Variants in RFX2 observed in about 807,000 individuals in gnomAD.
RFX2 encodes the protein regulatory factor X2.
Under a neutral mutation model 87.8 loss-of-function variants are expected in RFX2, and 20 were observed. The observed-to-expected ratio is 0.23, with a 90% CI of 0.16 to 0.33. RFX2 has a LOEUF of 0.33. RFX2 is among the 10% of genes least tolerant of loss of function. The probability of loss-of-function intolerance (pLI) is 1.00; values close to 1 mark genes in which losing one functional copy is unlikely to be tolerated. For synonymous variants in RFX2, 397 were observed against 431.3 expected (o/e 0.92, Z 0.98); for missense variants, 767 against 1,012.3 (o/e 0.76, Z 3.29).
intron 1 of RFX2, among the ~76,000 whole-genome samples, chr19:6,055,520 C>T (rs892016321): frequency 6.6e-6 from 1 of 152,178 alleles, no homozygotes; most frequent in African/African-American, 2.4e-5. Context: ...ACCTCCCAGG[C>T]TCAAGCGATT....
rs891657409 is a variant in RFX2, at chr19:5,995,611, C to G, written c.2046G>C (p.Leu682=). 1.3e-5 allele frequency: 20 copies of G among 1,552,340 alleles called. No individual in the cohort carries two copies. Among genetic ancestry groups the G allele is most frequent in the Non-Finnish European group, 1.7e-5 (20 of 1,147,472 alleles). ...FNDLASLSLT[L]LDKDDMGDEQ... is the part of the protein sequence containing the mutation. ...CGCAGACGCACCTACCTTTGTCGAGCAGCGTCAGCGACAGAGAGGCGAGAT... is the reference window on the plus strand; with the variant it reads ...CGCAGACGCACCTACCTTTGTCGAGGAGCGTCAGCGACAGAGAGGCGAGAT... The change falls in exon 17 of 18, where the codon CTG becomes CTC. Residue 682 remains leucine, a synonymous_variant. Coordinates refer to ENST00000303657, the MANE Select transcript of RFX2 (RefSeq NM_000635.4).
At position 6,016,057 on chromosome 19, in the gene RFX2, G is replaced by T; in HGVS notation, c.779+33C>A. The T allele has an allele frequency of 6.5e-7, 1 of 1,549,798 alleles. No individual in the cohort carries two copies. Among genetic ancestry groups the T allele is most frequent in the South Asian group, 1.2e-5 (1 of 82,926 alleles). On this transcript the variant is annotated intron_variant, in intron 7 of 17. Transcript: ENST00000303657. This position sits in a 1 kb window ranked among gnomAD's most constrained non-coding sequence, Gnocchi z 5.4. ...GCTCCATTTCTTGGGAAAGGAAGAG[G>T]AAGAACAGGTGGGCTGGGGATCGTC...
chr19:6,036,157 A>C (rs2087020064), intron 5 of RFX2, among the ~76,000 whole-genome samples: 1 of 152,234 alleles, frequency 6.6e-6, no homozygotes, highest in African/African-American at 2.4e-5. Flanking sequence ...GTCTGCGAGG[A>C]AAGCTTTCTG....
rs1333004359 is a variant in RFX2 at position 6,083,844 on chromosome 19, C to T, written c.-9+26549G>A. On this transcript the variant is annotated intron_variant, in intron 1 of 17. Coordinates refer to ENST00000303657, the MANE Select transcript of RFX2 (RefSeq NM_000635.4). The surrounding 1 kb of genome is among the most constrained non-coding windows in gnomAD (Gnocchi z 4.6). ...ATGTCTTACTCATAATTATAGGCAG[C>T]GGAAAATGCCTGCTAGCGAGTAGGC... Among the ~76,000 whole-genome samples the T allele has an allele frequency of 6.6e-6, 1 of 152,078 alleles. No individual in the cohort carries two copies. The highest frequency in any genetic ancestry group is 1.5e-5 in the Non-Finnish European group (1 of 68,012).
At position 6,034,866 on chromosome 19, in the gene RFX2, A is replaced by G. The variant is rs551159238; in HGVS notation, c.522+5114T>C. On this transcript the variant is annotated intron_variant, in intron 5 of 17. Transcript: ENST00000303657. The stretch of plus-strand genomic sequence containing the variant: ...GACTGGAGAGTTGTTCTTTGCTCAG[A>G]TAGACTCTTGTTTAATTTACCGAAA... Among the ~76,000 whole-genome samples, 8 of 152,240 alleles carry G rather than the reference A, an allele frequency of 5.3e-5. No homozygotes were observed. The South Asian group carries it at 6.2e-4, about 12-fold the overall frequency.
At chr19:6,058,297 C>A (rs1370691214) in intron 1 of RFX2, among the ~76,000 whole-genome samples, 1 of 152,140 alleles carries the variant, frequency 6.6e-6, no homozygotes, top group East Asian at 1.9e-4. Context: ...GCCCAGTGTC[C>A]CCTGGGGCGC....
intron 5 of RFX2, among the ~76,000 whole-genome samples, chr19:6,029,020 A>G (rs1356260887): frequency 6.6e-6 from 1 of 151,896 alleles, no homozygotes; most frequent in Non-Finnish European, 1.5e-5. Context: ...CAGAGATTGC[A>G]GTGAGCCAAG....
At position 6,024,760 on chromosome 19, in the gene RFX2, G is replaced by C. The variant is rs865933166; in HGVS notation, c.597+1403C>G. ...ACGGGATCACGGTGAGGACGGGAGT[G>C]AGGACGGGATCACGGTGAGGACGGG... On this transcript the variant is annotated intron_variant, in intron 6 of 17. Coordinates refer to ENST00000303657, the MANE Select transcript of RFX2 (RefSeq NM_000635.4). The surrounding 1 kb of genome is among the most constrained non-coding windows in gnomAD (Gnocchi z 5.0). Among the ~76,000 whole-genome samples, 822 of 110,102 alleles carry C rather than the reference G, an allele frequency of 7.5e-3. 1 individual carries two copies. The highest frequency in any genetic ancestry group is 0.022 in the African/African-American group (549 of 25,086). The allele number at this position is 110,102 out of a possible 152,430, so 72.2% of individuals were successfully genotyped here. A position where few individuals can be genotyped will look rare whatever the true frequency, so the allele number is the denominator to read the frequency against.
chr19:6,082,766 T>C, intron 1 of RFX2, among the ~76,000 whole-genome samples: 1 of 152,166 alleles, frequency 6.6e-6, no homozygotes, highest in South Asian at 2.1e-4. Context: ...TTTTTGGCTT[T>C]GCAGGTCTCT....
Position 5,999,822 on chromosome 19 carries a change from C to T in RFX2, c.1859+1993G>A, listed in dbSNP as rs200763460. 1.1e-4 allele frequency among the ~76,000 whole-genome samples: 17 copies of T among 151,784 alleles called. No homozygotes were observed. Among genetic ancestry groups the T allele is most frequent in the East Asian group, 5.8e-4 (3 of 5,152 alleles). ...AGGCTGGGGGTGAGGGATTTCTCTG[C>T]GGATGATGGGTTTCTCTGTGTGGCT... is the stretch of plus-strand genomic sequence containing the variant. On this transcript the variant is annotated intron_variant, in intron 15 of 17. Coordinates refer to ENST00000303657, the MANE Select transcript of RFX2 (RefSeq NM_000635.4). The surrounding 1 kb of genome is among the most constrained non-coding windows in gnomAD (Gnocchi z 4.1).
At chr19:6,081,768 C>T (rs534506609) in intron 1 of RFX2, among the ~76,000 whole-genome samples, 50 of 152,306 alleles carry the variant, frequency 3.3e-4, no homozygotes, top group African/African-American at 1.2e-3. Context: ...GCCTGGTCAA[C>T]ATGGTGAAAC....
In RFX2 at chr19:6,040,384, A is replaced by G; in HGVS notation, c.261-143T>C. The G allele has an allele frequency of 1.3e-6, 1 of 788,728 alleles. No individual in the cohort carries two copies. The highest frequency in any genetic ancestry group is 1.9e-6 in the Non-Finnish European group (1 of 529,114). 48.9% of individuals were successfully genotyped at this position (788,728 alleles called of 1,614,324 possible). ...TGGAGCAATTCGGACGTGGCATATG[A>G]CACTCAAATGCAGCGCAAGTTCACA... On this transcript the variant is annotated intron_variant, in intron 4 of 17. Coordinates refer to ENST00000303657, the MANE Select transcript of RFX2 (RefSeq NM_000635.4). This position sits in a 1 kb window ranked among gnomAD's most constrained non-coding sequence, Gnocchi z 6.1.
rs76226570 is a variant in RFX2 at position 6,030,266 on chromosome 19, G to A, written c.523-4029C>T. 5.0e-3 allele frequency among the ~76,000 whole-genome samples: 767 copies of A among 152,238 alleles called. 7 individuals are homozygous for A. In the East Asian group the frequency reaches 0.07, roughly 14 times the overall value. ...CTAGAAGCAGTAGGAGAGAAGTGGC[G>A]TCACAAACAAAGAATCCAGAATATG... is the stretch of plus-strand genomic sequence containing the variant. On this transcript the variant is annotated intron_variant, in intron 5 of 17. Transcript: ENST00000303657.
At chr19:6,095,272 TAA>T (rs2088005083) in intron 1 of RFX2, among the ~76,000 whole-genome samples, 1 of 152,216 alleles carries the variant, frequency 6.6e-6, no homozygotes, top group African/African-American at 2.4e-5. Context: ...ACAAATATTT[TAA>T]GAGATTCTAT....
chr19:6,026,850 T>C lies in RFX2; in HGVS notation c.523-613A>G, dbSNP rs1488949150. 6.6e-6 allele frequency among the ~76,000 whole-genome samples: 1 copy of C among 152,140 alleles called. No homozygotes were observed. The highest frequency in any genetic ancestry group is 1.9e-4 in the East Asian group (1 of 5,178). ...GTGGGAGCTGTGCGAAGAAGATTTT[T>C]GGAAAAGAGAAAAGAGTTTTGGAAG... On this transcript the variant is annotated intron_variant, in intron 5 of 17. Transcript: ENST00000303657. The surrounding 1 kb of genome is among the most constrained non-coding windows in gnomAD (Gnocchi z 4.5).
Position 6,064,782 on chromosome 19 carries a change from T to C in RFX2, c.-8-17278A>G, listed in dbSNP as rs1171073220. ...GCTGGCTTTCTGGATCCCACCAACA[T>C]CACATAGGGGACCTTTTCAATCTAC... On this transcript the variant is annotated intron_variant, in intron 1 of 17. Transcript: ENST00000303657. This position sits in a 1 kb window ranked among gnomAD's most constrained non-coding sequence, Gnocchi z 4.8. Among the ~76,000 whole-genome samples, 1 of 152,132 alleles carries C rather than the reference T, an allele frequency of 6.6e-6. No individual in the cohort carries two copies. Among genetic ancestry groups the C allele is most frequent in the Non-Finnish European group, 1.5e-5 (1 of 68,024 alleles).
intron 1 of RFX2, among the ~76,000 whole-genome samples, chr19:6,095,649 A>C (rs1008600717): frequency 4.6e-5 from 7 of 152,092 alleles, no homozygotes; most frequent in Admixed American, 6.5e-5. Flanking sequence ...TCAAGAGACC[A>C]AGCTGGGTGG....
chr19:6,016,247 C>G lies in RFX2; in HGVS notation c.622G>C (p.Glu208Gln). 1.2e-6 allele frequency: 2 copies of G among 1,608,374 alleles called. No individual in the cohort carries two copies. Among genetic ancestry groups the G allele is most frequent in the Non-Finnish European group, 8.5e-7 (1 of 1,177,250 alleles). Residue 208 changes from glutamate to glutamine, a missense_variant, in exon 7 of 18, where the codon GAA (glutamate) becomes CAA (glutamine). Physicochemically the swap from Glu to Gln is conservative, Grantham distance 29. Around this residue, in one of 2 missense-constraint regions of RFX2, gnomAD observed 621 missense variants for 873.0 expected, o/e 0.71. Transcript: ENST00000303657. The surrounding 1 kb of genome is among the most constrained non-coding windows in gnomAD (Gnocchi z 5.4). ...GGGAGACTCACACCTTCCGCTGTTTCATAATTATCCAACAGCCACTGGAGC... is the reference window on the plus strand; with the variant it reads ...GGGAGACTCACACCTTCCGCTGTTTGATAATTATCCAACAGCCACTGGAGC... Reference protein sequence around the residue: ...SHLQWLLDNYETAEGVSLPRS... With the variant: ...SHLQWLLDNYQTAEGVSLPRS...
chr19:6,014,567 A>G (rs1482249732), intron 7 of RFX2, among the ~76,000 whole-genome samples: 1 of 152,098 alleles, frequency 6.6e-6, no homozygotes, highest in Admixed American at 6.6e-5. Context: ...TTTCATTGCA[A>G]TAGCAGACAG....
Sources: gnomAD v4.1 joint callset for allele counts (sites outside exome capture counted in the v4.1 genomes callset) on GRCh38, gnomAD v4.1.1 for gene constraint, gnomAD v4.1.1 regional missense constraint, Gnocchi (gnomAD v3.1) non-coding constraint, MANE v1.5 for transcripts, NCBI Gene and HGNC (gene_info 2026-07-23, HGNC 2026-07-21) for gene names.